PIP4K2A: variants seen among roughly 807,000 people sequenced by gnomAD.
PIP4K2A encodes phosphatidylinositol-5-phosphate 4-kinase type 2 alpha, also known as phosphatidylinositol 5-phosphate 4-kinase type-2 alpha.
PIP4K2A carries 14 observed loss-of-function variants against 42.9 expected under a neutral mutation model. The observed-to-expected ratio is 0.33, with a 90% CI of 0.22 to 0.51. The LOEUF (loss-of-function observed/expected upper bound fraction) is 0.51. Among genes scored for constraint, PIP4K2A ranks in the 20% least tolerant of loss-of-function variants. The probability of loss-of-function intolerance (pLI) is 0.97; values close to 1 mark genes in which losing one functional copy is unlikely to be tolerated. For synonymous variants in PIP4K2A, 192 were observed against 192.2 expected, an observed-to-expected ratio of 1.00 and a Z score of 0.01; for missense variants, 434 against 519.8, an observed-to-expected ratio of 0.83 and a Z score of 1.61.
intron 1 of PIP4K2A, among the ~76,000 whole-genome samples, chr10:22,708,875 T>C (rs1249432491): frequency 6.6e-6 from 1 of 152,202 alleles, no homozygotes; most frequent in Non-Finnish European, 1.5e-5. Context: ...CTGGACCTCC[T>C]GGACTCAGAT....
At chr10:22,578,561 C>G (rs956675354) in intron 4 of PIP4K2A, among the ~76,000 whole-genome samples, 2 of 152,186 alleles carry the variant, frequency 1.3e-5, no homozygotes, top group African/African-American at 2.4e-5. Context: ...GCTTCCTCCT[C>G]TACATGCCCA....
At chr10:22,624,879 T>G (rs921862498) in intron 1 of PIP4K2A, among the ~76,000 whole-genome samples, 1 of 152,244 alleles carries the variant, frequency 6.6e-6, no homozygotes, top group Admixed American at 6.5e-5. Context: ...TATGAAAACT[T>G]TTATATCAGC....
chr10:22,561,889 C>A (rs1173344923), intron 6 of PIP4K2A, among the ~76,000 whole-genome samples: 1 of 152,020 alleles, frequency 6.6e-6, no homozygotes, highest in East Asian at 1.9e-4. Flanking sequence ...GTTCTTTGTA[C>A]CATAACGATC....
Position 22,567,847 on chromosome 10 carries a change from T to C in PIP4K2A, c.678+4A>G. ...CATGGGGAGACATACAGCAAGGTACTTACCTTTTCTTTGTCACTAGCTTCT... is the reference window on the plus strand; with the variant it reads ...CATGGGGAGACATACAGCAAGGTACCTACCTTTTCTTTGTCACTAGCTTCT... On this transcript the variant is annotated splice_donor_region_variant and intron_variant, in intron 6 of 9. Transcript: ENST00000376573. 1 of 1,612,492 alleles carries C rather than the reference T, an allele frequency of 6.2e-7. No homozygotes were observed. The highest frequency in any genetic ancestry group is 8.5e-7 in the Non-Finnish European group (1 of 1,178,426).
intron 1 of PIP4K2A, among the ~76,000 whole-genome samples, chr10:22,648,831 T>G (rs2154053): frequency 0.32 from 48,357 of 152,042 alleles, 8,132 homozygotes; most frequent in African/African-American, 0.41. Flanking sequence ...GGCCAATGAA[T>G]ACTAGAGAGG....
In PIP4K2A at chr10:22,541,858, C is replaced by T. The variant is rs765929077; in HGVS notation, c.982G>A (p.Ala328Thr). Reference sequence around the variant, plus strand: ...ATGTTCGGATCGAACTCCCCGGGAGCCAGGGGTGGTGAGCTGTTCAGTGTA... The same window carrying T: ...ATGTTCGGATCGAACTCCCCGGGAGTCAGGGGTGGTGAGCTGTTCAGTGTA... ...GNTLNSSPPL[A>T]PGEFDPNIDV... is the part of the protein sequence containing the mutation. The change falls in exon 8 of 10, where the codon GCT becomes ACT. Residue 328 changes from alanine (A) to threonine (T), a missense_variant. Ala to Thr is a moderately conservative substitution (Grantham distance 58, BLOSUM62 0). Coordinates refer to ENST00000376573, the MANE Select transcript of PIP4K2A (RefSeq NM_005028.5). The T allele has an allele frequency of 1.2e-6, 2 of 1,601,898 alleles. No individual in the cohort carries two copies. Among genetic ancestry groups the T allele is most frequent in the Non-Finnish European group, 1.7e-6 (2 of 1,174,728 alleles).
chr10:22,619,199 C>T (rs1342357063), intron 1 of PIP4K2A, among the ~76,000 whole-genome samples: 2 of 152,014 alleles, frequency 1.3e-5, no homozygotes, highest in Non-Finnish European at 2.9e-5. Flanking sequence ...TAATATGATT[C>T]AGGCATGTAG....
chr10:22,695,499 T>A, intron 1 of PIP4K2A, among the ~76,000 whole-genome samples: 1 of 152,226 alleles, frequency 6.6e-6, no homozygotes, highest in South Asian at 2.1e-4. Context: ...AATATTTCTT[T>A]TAATCAAGGG....
intron 1 of PIP4K2A, among the ~76,000 whole-genome samples, chr10:22,648,438 C>T (rs1253459441): frequency 6.6e-6 from 1 of 152,172 alleles, no homozygotes; most frequent in Non-Finnish European, 1.5e-5. Flanking sequence ...CATGGGACAA[C>T]TTCATTATTA....
At chr10:22,651,306 T>C (rs1045024403) in intron 1 of PIP4K2A, among the ~76,000 whole-genome samples, 6 of 152,202 alleles carry the variant, frequency 3.9e-5, no homozygotes, top group African/African-American at 1.4e-4. Flanking sequence ...AGCACTCATC[T>C]GCCACTATTC....
intron 7 of PIP4K2A, among the ~76,000 whole-genome samples, chr10:22,546,561 A>G (rs2130751443): frequency 6.6e-6 from 1 of 152,168 alleles, no homozygotes; most frequent in South Asian, 2.1e-4. Context: ...ACAGGCATGC[A>G]CCACCACGTT....
intron 7 of PIP4K2A, among the ~76,000 whole-genome samples, chr10:22,542,880 T>C (rs560649917): frequency 1.3e-5 from 2 of 152,336 alleles, no homozygotes; most frequent in South Asian, 4.1e-4. Flanking sequence ...ACTGGCTCCC[T>C]GACCCCGTGG....
At chr10:22,571,738 A>T (rs1011092385) in intron 5 of PIP4K2A, among the ~76,000 whole-genome samples, 1 of 152,206 alleles carries the variant, frequency 6.6e-6, no homozygotes, top group African/African-American at 2.4e-5. Context: ...ATTATCCAAA[A>T]AAGTTGTTAA....
chr10:22,587,812 A>C (rs1564432470), intron 4 of PIP4K2A, among the ~76,000 whole-genome samples: 1 of 152,236 alleles, frequency 6.6e-6, no homozygotes. Flanking sequence ...AACAGCATTT[A>C]CTAAATGTAA....
intron 1 of PIP4K2A, among the ~76,000 whole-genome samples, chr10:22,611,076 C>T (rs1252821772): frequency 6.6e-6 from 1 of 152,144 alleles, no homozygotes; most frequent in African/African-American, 2.4e-5. Flanking sequence ...GAATTTTCCA[C>T]AATTAATGCA....
At chr10:22,546,150 C>T (rs1038529417) in intron 7 of PIP4K2A, among the ~76,000 whole-genome samples, 1 of 152,194 alleles carries the variant, frequency 6.6e-6, no homozygotes, top group Non-Finnish European at 1.5e-5. Flanking sequence ...CCTCCTGGAT[C>T]TTCAGTCATT....
chr10:22,680,632 T>C (rs1014392372), intron 1 of PIP4K2A, among the ~76,000 whole-genome samples: 1 of 152,180 alleles, frequency 6.6e-6, no homozygotes, highest in South Asian at 2.1e-4. Context: ...CAAAACTTCA[T>C]GGCTTAAAAC....
intron 1 of PIP4K2A, among the ~76,000 whole-genome samples, chr10:22,649,850 G>A (rs553326711): frequency 5.6e-4 from 86 of 152,314 alleles, no homozygotes; most frequent in Admixed American, 4.8e-3. Flanking sequence ...TCATTCTTCA[G>A]CAAACGATAT....
chr10:22,625,799 T>C (rs1024784801), intron 1 of PIP4K2A, among the ~76,000 whole-genome samples: 2 of 152,210 alleles, frequency 1.3e-5, no homozygotes, highest in Admixed American at 6.5e-5. Context: ...TTTTAAACAC[T>C]GTCAAAAACC....
Sources: allele counts gnomAD v4.1 joint callset (sites outside exome capture counted in the v4.1 genomes callset), GRCh38; gene constraint gnomAD v4.1.1; transcripts MANE v1.5; gene names NCBI Gene and HGNC (gene_info 2026-07-23, HGNC 2026-07-21).